SBNO1: variants seen among roughly 807,000 people sequenced by gnomAD.
The protein encoded by SBNO1 is strawberry notch homolog 1, also known as protein strawberry notch homolog 1.
Under a neutral mutation model 173.6 loss-of-function variants are expected in SBNO1, and 23 were observed. The observed-to-expected ratio is 0.13, with a 90% confidence interval of 0.10 to 0.19. SBNO1 has a LOEUF of 0.19. Ranked by LOEUF, SBNO1 falls within the 10% of genes least tolerant of loss-of-function variation. SBNO1 has a pLI of 1.00. For synonymous variants in SBNO1, 632 were observed against 571.5 expected (o/e 1.11, Z -1.51); for missense variants, 1,238 against 1,671.2 (o/e 0.74, Z 4.52).
intron 1 of SBNO1, among the ~76,000 whole-genome samples, chr12:123,356,494 G>C (rs1439027076): frequency 6.6e-6 from 1 of 152,174 alleles, no homozygotes; most frequent in Non-Finnish European, 1.5e-5. Flanking sequence ...GGAGTGCAAT[G>C]GCACGATCTC....
chr12:123,339,245 A>G (rs1353344948), intron 5 of SBNO1, among the ~76,000 whole-genome samples: 1 of 151,998 alleles, frequency 6.6e-6, no homozygotes. Context: ...TTCTTTTGGT[A>G]TCGTTATGTA....
intron 30 of SBNO1, among the ~76,000 whole-genome samples, chr12:123,298,847 T>C (rs941503404): frequency 6.6e-6 from 1 of 152,150 alleles, no homozygotes; most frequent in Non-Finnish European, 1.5e-5. Context: ...CACAGCTCTT[T>C]GGGAGGCTGA....
intron 13 of SBNO1, among the ~76,000 whole-genome samples, chr12:123,326,824 G>A (rs7954704): frequency 0.89 from 135,306 of 152,020 alleles, 60,344 homozygotes; most frequent in Middle Eastern, 0.95. Flanking sequence ...ATACTCAGGA[G>A]GCAGAGTCTG....
Position 123,311,141 on chromosome 12 carries a change from G to A in SBNO1, c.3221-12C>T. 6.2e-7 allele frequency: 1 copy of A among 1,602,784 alleles called. No homozygotes were observed. The highest frequency in any genetic ancestry group is 8.5e-7 in the Non-Finnish European group (1 of 1,169,868). On this transcript the variant is annotated splice_polypyrimidine_tract_variant and intron_variant, in intron 24 of 31. Transcript: ENST00000602398. ...TCCTTGTCGAACATCTGTAAGAACAGGATCAATTCTGACTCATAAATTACA... is the reference window on the plus strand; with the variant it reads ...TCCTTGTCGAACATCTGTAAGAACAAGATCAATTCTGACTCATAAATTACA...
chr12:123,347,506 G>A (rs911383074), intron 3 of SBNO1, among the ~76,000 whole-genome samples: 3 of 150,412 alleles, frequency 2.0e-5, no homozygotes, highest in Admixed American at 6.6e-5. Context: ...GATTACAGGC[G>A]TGAGCCACTG....
intron 1 of SBNO1, among the ~76,000 whole-genome samples, chr12:123,351,685 G>A (rs1873903033): frequency 6.6e-6 from 1 of 152,180 alleles, no homozygotes; most frequent in African/African-American, 2.4e-5. Flanking sequence ...AGAGGGAGCA[G>A]AAGACCAGGA....
At chr12:123,302,250 G>T (rs10846508) in intron 30 of SBNO1, among the ~76,000 whole-genome samples, 1,332 of 100,622 alleles carry the variant, frequency 0.013, 20 homozygotes, top group African/African-American at 0.032. Context: ...TTTTTTTTTT[G>T]TTTTTTTTTT....
At position 123,300,618 on chromosome 12, in the gene SBNO1, A is replaced by G. The variant is rs2048755451; in HGVS notation, c.3845+2206T>C. On this transcript the variant is annotated intron_variant, in intron 30 of 31. Coordinates refer to ENST00000602398, the MANE Select transcript of SBNO1 (RefSeq NM_001167856.3). ...GCTTGCAGTGAGCCGAGATCACACC[A>G]CTGCACTCCAGCCTGGGTGACAGAG... 2.0e-5 allele frequency among the ~76,000 whole-genome samples: 3 copies of G among 151,922 alleles called. 1 individual carries two copies. The South Asian group carries it at 6.2e-4, about 31-fold the overall frequency.
At position 123,294,634 on chromosome 12, in the gene SBNO1, C is replaced by CAAAAAAAAA. The variant is rs143013489; in HGVS notation, c.*1265_*1273dup. On this transcript the variant is annotated 3_prime_UTR_variant, in exon 32 of 32. Transcript: ENST00000602398. The stretch of plus-strand genomic sequence containing the variant: ...TTTTCAATAGTGCAACCTGTGGAAG[C>CAAAAAAAAA]AAAAAAAAAAAAAAAAAAAAAAAAA... 140 of 60,038 alleles carry CAAAAAAAAA rather than the reference C, an allele frequency of 2.3e-3. 2 individuals are homozygous for CAAAAAAAAA. Among genetic ancestry groups the CAAAAAAAAA allele is most frequent in the Middle Eastern group, 0.013 (1 of 78 alleles). 3.7% of individuals were successfully genotyped at this position (60,038 alleles called of 1,614,324 possible).
intron 1 of SBNO1, among the ~76,000 whole-genome samples, chr12:123,352,094 G>A (rs1341717730): frequency 1.3e-5 from 2 of 151,046 alleles, no homozygotes; most frequent in Non-Finnish European, 2.9e-5. Context: ...TTTTATAGGG[G>A]GGAAAAAGAG....
chr12:123,337,459 C>G (rs748761841), intron 5 of SBNO1, among the ~76,000 whole-genome samples: 4 of 152,096 alleles, frequency 2.6e-5, no homozygotes, highest in Non-Finnish European at 5.9e-5. Flanking sequence ...AAGGCAAGAT[C>G]GAGACAGCAT....
chr12:123,313,575 T>C (rs1868887321), intron 24 of SBNO1, 45 bp downstream of exon 24: 2 of 1,026,744 alleles, frequency 1.9e-6, no homozygotes, highest in Non-Finnish European at 3.0e-6. Context: ...GAGTACATCT[T>C]TGTCAATAAT....
chr12:123,352,072 GATTTTTAC>G (rs1873941753), intron 1 of SBNO1, among the ~76,000 whole-genome samples: 1 of 1,402 alleles, frequency 7.1e-4, no homozygotes, highest in East Asian at 2.8e-3. Context: ...TGCTGCCATG[GATTTTTAC>G]CCATTTTATA....
intron 30 of SBNO1, among the ~76,000 whole-genome samples, chr12:123,302,145 C>T (rs1470117037): frequency 2.0e-5 from 3 of 151,548 alleles, no homozygotes; most frequent in Non-Finnish European, 4.4e-5. Flanking sequence ...GTTGGTCAGG[C>T]TGGTCTCGAA....
At position 123,296,053 on chromosome 12, in the gene SBNO1, G is replaced by A. The variant is rs1421504929; in HGVS notation, c.4040-3C>T. The A allele has an allele frequency of 1.9e-6, 3 of 1,595,780 alleles. No homozygotes were observed. The highest frequency in any genetic ancestry group is 1.1e-5 in the South Asian group (1 of 90,690). ...ACAATTTGCCGGAATGATCAAACCT[G>A]TAATTAGTAACAAGAATTTATCAAG... On this transcript the variant is annotated splice_polypyrimidine_tract_variant and splice_region_variant and intron_variant, in intron 31 of 31. Transcript: ENST00000602398.
intron 25 of SBNO1, among the ~76,000 whole-genome samples, chr12:123,310,446 ATGGTCT>A (rs1258640849): frequency 1.3e-5 from 2 of 151,658 alleles, no homozygotes; most frequent in Admixed American, 1.3e-4. Context: ...CTTGGCCATG[ATGGTCT>A]TGGACTCCTG....
chr12:123,306,691 C>CA (rs1196256143), intron 28 of SBNO1, among the ~76,000 whole-genome samples: 1 of 152,046 alleles, frequency 6.6e-6, no homozygotes, highest in Non-Finnish European at 1.5e-5. Context: ...TTATGTGGAC[C>CA]AATCAAAATT....
chr12:123,310,072 G>A (rs766290441), intron 25 of SBNO1, among the ~76,000 whole-genome samples: 1 of 152,074 alleles, frequency 6.6e-6, no homozygotes, highest in Non-Finnish European at 1.5e-5. Flanking sequence ...TTGAATTTTT[G>A]CATCTTCAGC....
intron 2 of SBNO1, among the ~76,000 whole-genome samples, chr12:123,348,634 T>C (rs1873505352): frequency 6.6e-6 from 1 of 152,024 alleles, no homozygotes; most frequent in Non-Finnish European, 1.5e-5. Flanking sequence ...AGTGTGGTGG[T>C]GGGCGCCTGT....
Sources: allele counts gnomAD v4.1 joint callset (sites outside exome capture counted in the v4.1 genomes callset), GRCh38; gene constraint gnomAD v4.1.1; transcripts MANE v1.5; gene names NCBI Gene and HGNC (gene_info 2026-07-23, HGNC 2026-07-21).